Variants in LDHB observed in about 807,000 individuals in gnomAD.
The protein encoded by LDHB is lactate dehydrogenase B, also known as L-lactate dehydrogenase B chain.
Under a neutral mutation model 33.4 loss-of-function variants are expected in LDHB, and 18 were observed. The observed-to-expected ratio is 0.54, with a 90% confidence interval of 0.37 to 0.80. The LOEUF is 0.80. Ranked by LOEUF, LDHB falls within the 30% of genes least tolerant of loss-of-function variation. The pLI, the probability that LDHB is intolerant of heterozygous loss-of-function variation, is 0.00. For synonymous variants in LDHB, 121 were observed against 140.6 expected, an observed-to-expected ratio of 0.86 and a Z score of 0.98; for missense variants, 345 against 407.9, an observed-to-expected ratio of 0.85 and a Z score of 1.33.
intron 7 of LDHB, 129 bp from the exon 8 acceptor site, chr12:21,635,838 T>C: frequency 1.3e-6 from 1 of 773,540 alleles, no homozygotes; most frequent in East Asian, 2.7e-5. Context: ...ATGACAGCGG[T>C]ACTACTCTCC....
chr12:21,645,051 A>T (rs1938482374), intron 3 of LDHB, among the ~76,000 whole-genome samples: 1 of 152,106 alleles, frequency 6.6e-6, no homozygotes, highest in Non-Finnish European at 1.5e-5. Flanking sequence ...CTGCCTTGAG[A>T]TGCTGTTAAT....
At chr12:21,650,105 T>TATACACAC (rs1555165527) in intron 2 of LDHB, among the ~76,000 whole-genome samples, 85 of 31,000 alleles carry the variant, frequency 2.7e-3, no homozygotes, top group South Asian at 3.4e-3. Flanking sequence ...AGAAAAAAAA[T>TATACACAC]ACACACACAC....
intron 1 of LDHB, among the ~76,000 whole-genome samples, chr12:21,655,405 A>C (rs545522841): frequency 1.3e-5 from 2 of 152,380 alleles, no homozygotes; most frequent in Admixed American, 6.5e-5. Context: ...ATAAATGGCC[A>C]ATTATGAACA....
chr12:21,637,357 A>T, intron 6 of LDHB, 163 bp from the exon 7 acceptor site: 1 of 606,402 alleles, frequency 1.6e-6, no homozygotes, highest in Non-Finnish European at 2.9e-6. Context: ...ATTAATATAT[A>T]TGTAAAATGC....
chr12:21,646,750 T>C (rs1245488870), intron 3 of LDHB, 149 bp downstream of exon 3: 4 of 616,596 alleles, frequency 6.5e-6, no homozygotes, highest in African/African-American at 5.6e-5. Context: ...ACATTATAAA[T>C]ATCTTATTAA....
intron 2 of LDHB, among the ~76,000 whole-genome samples, chr12:21,648,078 C>A (rs1448427157): frequency 1.3e-5 from 2 of 152,088 alleles, no homozygotes; most frequent in Non-Finnish European, 2.9e-5. Context: ...TCTAAGCAAC[C>A]TTTCAGCTAT....
chr12:21,653,931 A>G (rs1387647198), intron 2 of LDHB, among the ~76,000 whole-genome samples: 2 of 152,190 alleles, frequency 1.3e-5, no homozygotes, highest in Non-Finnish European at 2.9e-5. Flanking sequence ...TGCTGTGACC[A>G]CTTGAACCAG....
Position 21,644,087 on chromosome 12 carries a change from G to T in LDHB, c.269C>A (p.Ser90Tyr), listed in dbSNP as rs750054435. The T allele has an allele frequency of 1.2e-6, 2 of 1,613,214 alleles. No homozygotes were observed. Residue 90 changes from serine to tyrosine, a missense_variant, in exon 4 of 8, where the codon TCT becomes TAT. By Grantham distance (144) the Ser-to-Tyr change is moderately radical. Coordinates refer to ENST00000350669, the MANE Select transcript of LDHB (RefSeq NM_002300.8). ...ADKDYSVTAN[S>Y]KIVVVTAGVR... is the part of the protein sequence containing the mutation. ...TCCTGCAGTTACCACTACAATCTTAGAATTGGCAGTCACAGAATAATCTTT... is the reference window on the plus strand; with the variant it reads ...TCCTGCAGTTACCACTACAATCTTATAATTGGCAGTCACAGAATAATCTTT...
chr12:21,652,399 G>T (rs1938716758), intron 2 of LDHB, among the ~76,000 whole-genome samples: 1 of 152,180 alleles, frequency 6.6e-6, no homozygotes, highest in South Asian at 2.1e-4. Flanking sequence ...GCAAGTATAT[G>T]AACAGTTCCT....
intron 1 of LDHB, among the ~76,000 whole-genome samples, chr12:21,656,065 A>G (rs1307564694): frequency 6.6e-6 from 1 of 152,220 alleles, no homozygotes; most frequent in Non-Finnish European, 1.5e-5. Context: ...AAACTGTACC[A>G]GAGCTTCCCA....
chr12:21,647,475 A>T (rs1025205466), intron 2 of LDHB, among the ~76,000 whole-genome samples: 1 of 150,266 alleles, frequency 6.7e-6, no homozygotes, highest in African/African-American at 2.5e-5. Context: ...GCTCTGATCC[A>T]CTCAAATGTC....
intron 6 of LDHB, among the ~76,000 whole-genome samples, chr12:21,638,147 T>C (rs940327789): frequency 6.6e-6 from 1 of 151,996 alleles, no homozygotes; most frequent in Non-Finnish European, 1.5e-5. Flanking sequence ...TACAATAGAG[T>C]TTCTCTAGAG....
intron 2 of LDHB, among the ~76,000 whole-genome samples, chr12:21,651,785 C>T (rs543786954): frequency 1.4e-4 from 22 of 152,112 alleles, no homozygotes; most frequent in African/African-American, 4.8e-4. Flanking sequence ...TATCTTTAAC[C>T]GTTAAAATAA....
intron 3 of LDHB, 42 bp downstream of exon 3, chr12:21,646,857 T>C (rs1378826534): frequency 8.6e-7 from 1 of 1,166,088 alleles, no homozygotes; most frequent in African/African-American, 1.5e-5. Context: ...TTTGGGGCCA[T>C]GAAAAAAATA....
intron 2 of LDHB, among the ~76,000 whole-genome samples, chr12:21,651,653 T>G (rs1650309): frequency 0.94 from 143,924 of 152,312 alleles, 68,508 homozygotes; most frequent in East Asian, 1. Flanking sequence ...TCCTCTGACA[T>G]GTTACAGAAA....
At chr12:21,654,771 G>T (rs994107187) in intron 1 of LDHB, 94 bp from the exon 2 acceptor site, 9 of 1,006,250 alleles carry the variant, frequency 8.9e-6, no homozygotes, top group Admixed American at 3.4e-5. Context: ...ATTTCGAACT[G>T]AAGTACAACT....
chr12:21,654,653 T>C lies in LDHB; in HGVS notation c.19A>G (p.Lys7Glu), dbSNP rs118203897. The change falls in exon 2 of 8, where the codon AAA (lysine) becomes GAA (glutamate). Residue 7 changes from lysine to glutamate, a missense_variant. Coordinates refer to ENST00000350669, the MANE Select transcript of LDHB (RefSeq NM_002300.8). MATLKEKLIAPVAEEEA... is the reference protein window; with the variant it reads MATLKEELIAPVAEEEA... ...TCTTCCGCAACTGGTGCAATGAGTTTTTCCTTAAGAGTTGCCATTTTGCAC... is the reference window on the plus strand; with the variant it reads ...TCTTCCGCAACTGGTGCAATGAGTTCTTCCTTAAGAGTTGCCATTTTGCAC... The C allele has an allele frequency of 4.3e-5, 69 of 1,613,940 alleles. No individual in the cohort carries two copies. The highest frequency in any genetic ancestry group is 5.3e-5 in the Non-Finnish European group (62 of 1,179,904).
At position 21,644,046 on chromosome 12, in the gene LDHB, C is replaced by A; in HGVS notation, c.310G>T (p.Gly104Trp). The change falls in exon 4 of 8, where the codon GGG (glycine) becomes TGG (tryptophan). Residue 104 changes from glycine (G) to tryptophan (W), a missense_variant. Gly to Trp is a radical substitution (Grantham distance 184, BLOSUM62 -2). Coordinates refer to ENST00000350669, the MANE Select transcript of LDHB (RefSeq NM_002300.8). ...VVTAGVRQQE[G>W]ESRLNLVQRN... is the part of the protein sequence containing the mutation. ...TGCACCAGATTGAGCCGACTCTCCC[C>A]TTCTTGCTGACGGACTCCTGCAGTT... is the stretch of plus-strand genomic sequence containing the variant. The A allele has an allele frequency of 6.2e-7, 1 of 1,613,132 alleles. No homozygotes were observed. The highest frequency in any genetic ancestry group is 1.1e-5 in the South Asian group (1 of 91,066).
rs750918775 is a variant in LDHB, at chr12:21,641,965, A to G, written c.582T>C (p.His194=). The G allele has an allele frequency of 6.2e-7, 1 of 1,612,890 alleles. No individual in the cohort carries two copies. The highest frequency in any genetic ancestry group is 8.5e-7 in the Non-Finnish European group (1 of 1,179,466). Residue 194 remains histidine, a synonymous_variant, in exon 5 of 8, where the codon CAT becomes CAC. Coordinates refer to ENST00000350669, the MANE Select transcript of LDHB (RefSeq NM_002300.8). ...TTTTTTCTTTACCACTTGAGTCGCCATGTTCCCCCAAAATCCATCCATGGC... is the reference window on the plus strand; with the variant it reads ...TTTTTTCTTTACCACTTGAGTCGCCGTGTTCCCCCAAAATCCATCCATGGC... ...SSCHGWILGE[H]GDSSVAVWSG...
Sources: allele counts gnomAD v4.1 joint callset (sites outside exome capture counted in the v4.1 genomes callset), GRCh38; gene constraint gnomAD v4.1.1; transcripts MANE v1.5; gene names NCBI Gene and HGNC (gene_info 2026-07-23, HGNC 2026-07-21).